ABCF2: variants seen among roughly 807,000 people sequenced by gnomAD.
ABCF2 encodes ATP-binding cassette sub-family F member 2.
Under a neutral mutation model 76.9 loss-of-function variants are expected in ABCF2, and 37 were observed. That is an observed-to-expected ratio of 0.48 (90% CI 0.37 to 0.63). The LOEUF is 0.63. ABCF2 is among the 30% of genes least tolerant of loss of function. The pLI, the probability that ABCF2 is intolerant of heterozygous loss-of-function variation, is 0.00. For missense variants in ABCF2, 524 were observed against 782.1 expected, an observed-to-expected ratio of 0.67 and a Z score of 3.94; for synonymous variants, 299 against 283.7, an observed-to-expected ratio of 1.05 and a Z score of -0.54.
intron 11 of ABCF2, among the ~76,000 whole-genome samples, chr7:151,217,552 G>A (rs1357332296): frequency 1.3e-5 from 2 of 152,178 alleles, no homozygotes; most frequent in South Asian, 2.1e-4. Flanking sequence ...TGTAATCCCA[G>A]CACTTTGGGA....
In ABCF2 at chr7:151,222,759, G is replaced by A. The variant is rs867726644; in HGVS notation, c.723-143C>T. ...TCAATTTTAGGCTCTATACCTCAGA[G>A]GGAAAAGGAGAAGCAGGACAGAAAC... On this transcript the variant is annotated intron_variant, in intron 5 of 14. Transcript: ENST00000287844. 36 of 591,690 alleles carry A rather than the reference G, an allele frequency of 6.1e-5. 2 individuals carry two copies. The Middle Eastern group carries it at 0.01, about 166-fold the overall frequency. The allele number at this position is 591,690 out of a possible 1,614,324, so 36.7% of individuals were successfully genotyped here.
At chr7:151,219,012 C>T in intron 8 of ABCF2, 52 bp downstream of exon 8, 6 of 1,592,518 alleles carry the variant, frequency 3.8e-6, no homozygotes, top group Non-Finnish European at 5.1e-6. Flanking sequence ...CATCCGAGCC[C>T]CCTGCTTCTT....
chr7:151,215,279 A>C lies in ABCF2; in HGVS notation c.1531-197T>G, dbSNP rs1385348452. ...TGAAGCCCTTGCCATTACTAAGCCCACACCTCTCGCTCTCTTGGCAATGAA... is the reference window on the plus strand; with the variant it reads ...TGAAGCCCTTGCCATTACTAAGCCCCCACCTCTCGCTCTCTTGGCAATGAA... On this transcript the variant is annotated intron_variant, in intron 13 of 14. Transcript: ENST00000287844. This position sits in a 1 kb window ranked among gnomAD's most constrained non-coding sequence, Gnocchi z 4.6. Among the ~76,000 whole-genome samples the C allele has an allele frequency of 1.3e-5, 2 of 152,050 alleles. No individual in the cohort carries two copies. The highest frequency in any genetic ancestry group is 4.8e-5 in the African/African-American group (2 of 41,394).
In ABCF2 at chr7:151,211,868, T is replaced by C; in HGVS notation, c.*2186A>G. On this transcript the variant is annotated 3_prime_UTR_variant, in exon 15 of 15. Transcript: ENST00000287844. ...TCAGAGGACTCCCATCTGTCTCAGC[T>C]GCAGTGTCTCACGGGAGGCTCCTGT... 2.0e-6 allele frequency: 2 copies of C among 985,442 alleles called. No individual in the cohort carries two copies. Among genetic ancestry groups the C allele is most frequent in the South Asian group, 9.4e-5 (2 of 21,278 alleles). 61.0% of individuals were successfully genotyped at this position (985,442 alleles called of 1,614,324 possible). A position where few individuals can be genotyped will look rare whatever the true frequency, so the allele number is the denominator to read the frequency against.
Position 151,223,783 on chromosome 7 carries a change from A to G in ABCF2, c.617T>C (p.Met206Thr), listed in dbSNP as rs374387911. Residue 206 changes from methionine to threonine, a missense_variant, in exon 5 of 15, where the codon ATG (methionine) becomes ACG (threonine). By Grantham distance (81) the Met-to-Thr change is moderately conservative. Around this residue, in one of 2 missense-constraint regions of ABCF2, gnomAD observed 330 missense variants for 433.6 expected, o/e 0.76. Transcript: ENST00000287844. ...LEELDADKAE[M>T]RASRILHGLG... ...TCCATGCAAGATCCGCGAGGCCCTC[A>G]TCTCTGCCTTGTCGGCATCCAGCTC... 22 of 1,613,862 alleles carry G rather than the reference A, an allele frequency of 1.4e-5. No homozygotes were observed. Among genetic ancestry groups the G allele is most frequent in the Non-Finnish European group, 1.9e-5 (22 of 1,179,944 alleles).
At chr7:151,223,374 G>A (rs185705979) in intron 5 of ABCF2, among the ~76,000 whole-genome samples, 25 of 152,274 alleles carry the variant, frequency 1.6e-4, no homozygotes, top group Non-Finnish European at 8.8e-5. Context: ...AAAAAGGGTG[G>A]AAAGGGAATC....
In ABCF2 at chr7:151,212,550, G is replaced by A. The variant is rs1483368687; in HGVS notation, c.*1504C>T. The A allele has an allele frequency of 1.0e-5, 10 of 959,386 alleles. No individual in the cohort carries two copies. Among genetic ancestry groups the A allele is most frequent in the Non-Finnish European group, 1.2e-5 (10 of 806,346 alleles). The allele number at this position is 959,386 out of a possible 1,614,324, so 59.4% of individuals were successfully genotyped here. Reference sequence around the variant, plus strand: ...TGTCTCGGTCTGTCATCAGGCTGGAGTGTAGCGGCACGCTCTGCTCACTGC... The same window carrying A: ...TGTCTCGGTCTGTCATCAGGCTGGAATGTAGCGGCACGCTCTGCTCACTGC... On this transcript the variant is annotated 3_prime_UTR_variant, in exon 15 of 15. Coordinates refer to ENST00000287844, the MANE Select transcript of ABCF2 (RefSeq NM_007189.3).
intron 11 of ABCF2, among the ~76,000 whole-genome samples, chr7:151,217,062 T>C (rs540499521): frequency 3.9e-5 from 6 of 152,328 alleles, no homozygotes; most frequent in African/African-American, 1.4e-4. Flanking sequence ...CTGACTGCAT[T>C]TGTATGGTTA....
chr7:151,215,548 A>T lies in ABCF2; in HGVS notation c.1530+56T>A. On this transcript the variant is annotated intron_variant, in intron 13 of 14. Coordinates refer to ENST00000287844, the MANE Select transcript of ABCF2 (RefSeq NM_007189.3). This position sits in a 1 kb window ranked among gnomAD's most constrained non-coding sequence, Gnocchi z 4.6. ...CTGCCAGGACAGTATCCCCTGACCC[A>T]CCCAGCCACAGTCTGCCAGCTATCT... 6.2e-7 allele frequency: 1 copy of T among 1,605,978 alleles called. No individual in the cohort carries two copies. Among genetic ancestry groups the T allele is most frequent in the Non-Finnish European group, 8.5e-7 (1 of 1,176,314 alleles).
intron 8 of ABCF2, 37 bp from the exon 9 acceptor site, chr7:151,218,910 G>C (rs1375829193): frequency 6.2e-7 from 1 of 1,611,198 alleles, no homozygotes; most frequent in Non-Finnish European, 8.5e-7. Context: ...GTATGTGCAG[G>C]CGCTCAACAA....
Position 151,212,308 on chromosome 7 carries a change from C to CCTT in ABCF2, c.*1745_*1746insAAG, listed in dbSNP as rs372438246. 1,791 of 985,370 alleles carry CCTT rather than the reference C, an allele frequency of 1.8e-3. 20 individuals carry two copies. In the African/African-American group the frequency reaches 0.029, roughly 16 times the overall value. 61.0% of individuals were successfully genotyped at this position (985,370 alleles called of 1,614,324 possible). A position where few individuals can be genotyped will look rare whatever the true frequency, so the allele number is the denominator to read the frequency against. ...AAAGACCCAGATAAGGTATGCAGAG[C>CCTT]CCTGGGCTGGAAGTGAATTCAACAG... On this transcript the variant is annotated 3_prime_UTR_variant, in exon 15 of 15. Transcript: ENST00000287844.
intron 5 of ABCF2, among the ~76,000 whole-genome samples, chr7:151,222,957 G>A (rs1293715928): frequency 1.3e-5 from 2 of 152,164 alleles, no homozygotes; most frequent in East Asian, 1.9e-4. Context: ...AAACAAATTA[G>A]ACCTATCTGA....
intron 3 of ABCF2, 80 bp downstream of exon 3, chr7:151,224,696 C>T: frequency 7.5e-7 from 1 of 1,337,322 alleles, no homozygotes; most frequent in Non-Finnish European, 1.1e-6. Flanking sequence ...GCTCTGAACA[C>T]AGTTGATGCT....
chr7:151,222,478 C>G (rs750008409), intron 6 of ABCF2, 43 bp downstream of exon 6: 2 of 1,530,022 alleles, frequency 1.3e-6, no homozygotes, highest in South Asian at 1.1e-5. Context: ...TAGATTCCCC[C>G]TTTGGGACCT....
At chr7:151,223,010 G>C (rs12674241) in intron 5 of ABCF2, among the ~76,000 whole-genome samples, 1 of 152,188 alleles carries the variant, frequency 6.6e-6, no homozygotes, top group African/African-American at 2.4e-5. Flanking sequence ...CCAGAGTCTA[G>C]CGAGGGATAG....
rs537429290 is a variant in ABCF2, at chr7:151,223,821, G to A, written c.579C>T (p.Tyr193=). The change falls in exon 5 of 15, where the codon TAC becomes TAT. Residue 193 remains tyrosine (Y), a synonymous_variant. Transcript: ENST00000287844. ...DAECEKLMEL[Y]ERLEELDADK... is the part of the protein sequence containing the mutation. Reference sequence around the variant, plus strand: ...CGGCATCCAGCTCCTCCAGGCGCTCGTAGAGCTCCATGAGCTTCTCACACT... The same window carrying A: ...CGGCATCCAGCTCCTCCAGGCGCTCATAGAGCTCCATGAGCTTCTCACACT... 1.2e-4 allele frequency: 191 copies of A among 1,613,748 alleles called. No homozygotes were observed. The South Asian group carries it at 1.8e-3, about 15-fold the overall frequency.
rs1291085777 is a variant in ABCF2 at position 151,213,891 on chromosome 7, AAG to A, written c.*161_*162del. On this transcript the variant is annotated 3_prime_UTR_variant, in exon 15 of 15. Coordinates refer to ENST00000287844, the MANE Select transcript of ABCF2 (RefSeq NM_007189.3). ...AGACAGGTACTGTCCAGCTGTAGGT[AAG>A]AGAGTGCAGCTAAGGCAGGTTGAGG... 6.9e-7 allele frequency: 1 copy of A among 1,448,844 alleles called. No homozygotes were observed. Among genetic ancestry groups the A allele is most frequent in the Admixed American group, 2.8e-5 (1 of 35,776 alleles). The allele number at this position is 1,448,844 out of a possible 1,614,324, so 89.7% of individuals were successfully genotyped here. A position where few individuals can be genotyped will look rare whatever the true frequency, so the allele number is the denominator to read the frequency against.
chr7:151,223,644 A>G, intron 5 of ABCF2, 34 bp downstream of exon 5: 1 of 1,554,466 alleles, frequency 6.4e-7, no homozygotes, highest in Non-Finnish European at 8.7e-7. Flanking sequence ...GAGATGGGGG[A>G]GTTATGGGGG....
In ABCF2 at chr7:151,223,755, C is replaced by T; in HGVS notation, c.645G>A (p.Leu215=). 1 of 1,613,718 alleles carries T rather than the reference C, an allele frequency of 6.2e-7. No homozygotes were observed. Among genetic ancestry groups the T allele is most frequent in the Non-Finnish European group, 8.5e-7 (1 of 1,179,796 alleles). ...EMRASRILHG[L]GFTPAMQRKK... ...TGCGCTGCATGGCAGGTGTGAAACCCAGTCCATGCAAGATCCGCGAGGCCC... is the reference window on the plus strand; with the variant it reads ...TGCGCTGCATGGCAGGTGTGAAACCTAGTCCATGCAAGATCCGCGAGGCCC... Residue 215 remains leucine (L), a synonymous_variant, in exon 5 of 15, where the codon CTG becomes CTA. Coordinates refer to ENST00000287844, the MANE Select transcript of ABCF2 (RefSeq NM_007189.3).
Sources: gnomAD v4.1 joint callset for allele counts (sites outside exome capture counted in the v4.1 genomes callset) on GRCh38, gnomAD v4.1.1 for gene constraint, gnomAD v4.1.1 regional missense constraint, Gnocchi (gnomAD v3.1) non-coding constraint, MANE v1.5 for transcripts, NCBI Gene and HGNC (gene_info 2026-07-23, HGNC 2026-07-21) for gene names.